CSMD2: variants seen among roughly 807,000 people sequenced by gnomAD.
CSMD2 encodes CUB and sushi domain-containing protein 2.
Under a neutral mutation model 398.5 loss-of-function variants are expected in CSMD2, and 130 were observed. The ratio of observed to expected loss-of-function variants is 0.33; its 90% confidence interval spans 0.28 to 0.38. CSMD2 has a LOEUF of 0.38. Among genes scored for constraint, CSMD2 ranks in the 10% least tolerant of loss-of-function variants. CSMD2 has a pLI of 1.00. For synonymous variants in CSMD2, 1,828 were observed against 1,908.5 expected (o/e 0.96, Z 1.10); for missense variants, 3,829 against 4,764.9 (o/e 0.80, Z 5.78).
intron 12 of CSMD2, among the ~76,000 whole-genome samples, chr1:33,782,196 C>T (rs754345058): frequency 7.9e-5 from 12 of 152,128 alleles, no homozygotes; most frequent in Non-Finnish European, 1.6e-4. Flanking sequence ...CCCCCCAACC[C>T]CTGCTCGTTC....
intron 3 of CSMD2, among the ~76,000 whole-genome samples, chr1:34,027,027 C>A (rs4653379): frequency 0.11 from 17,470 of 152,050 alleles, 1,087 homozygotes; most frequent in East Asian, 0.19. Context: ...CAGAAGAAGC[C>A]TCTCCAAGCA....
At chr1:33,969,747 G>A (rs575011802) in intron 3 of CSMD2, among the ~76,000 whole-genome samples, 125 of 152,186 alleles carry the variant, frequency 8.2e-4, no homozygotes, top group African/African-American at 2.8e-3. Context: ...ATGAATGAAT[G>A]AATGAGTGAG....
At chr1:33,708,603 A>ATTATTATTATTATTATTG (rs1420119569) in intron 22 of CSMD2, among the ~76,000 whole-genome samples, 1 of 148,148 alleles carries the variant, frequency 6.8e-6, no homozygotes, top group Non-Finnish European at 1.5e-5. Flanking sequence ...TATTATTATT[A>ATTATTATTATTATTATTG]TTATTATTAT....
Position 33,678,193 on chromosome 1 carries a change from C to G in CSMD2, c.4052+14737G>C, listed in dbSNP as rs559990079. 2.6e-5 allele frequency among the ~76,000 whole-genome samples: 4 copies of G among 151,986 alleles called. No homozygotes were observed. The South Asian group carries it at 8.3e-4, about 32-fold the overall frequency. On this transcript the variant is annotated intron_variant, in intron 25 of 70. Coordinates refer to ENST00000373381, the MANE Select transcript of CSMD2 (RefSeq NM_001281956.2). ...TTGCCATGTGACATGCTCGCTCCCC[C>G]TTCTCTATCCACCATGAGTAGAAGC...
Position 33,700,610 on chromosome 1 carries a change from C to T in CSMD2, c.3640G>A (p.Gly1214Arg), listed in dbSNP as rs146082635. ...LGVFSHSEMM[G>R]VTLNSTSSSL... The stretch of plus-strand genomic sequence containing the variant: ...CTGGATGTGCTGTTCAAAGTCACCC[C>T]CATCATCTCAGAATGGCTAAAAACT... Residue 1214 changes from glycine (G) to arginine (R), a missense_variant, in exon 23 of 71, where the codon GGG becomes AGG. Around this residue, in one of 5 missense-constraint regions of CSMD2, gnomAD observed 2,001 missense variants for 2,567.1 expected, o/e 0.78. Transcript: ENST00000373381. 1.4e-3 allele frequency: 2,181 copies of T among 1,614,122 alleles called. 5 individuals carry two copies. The highest frequency in any genetic ancestry group is 1.7e-3 in the Non-Finnish European group (2,016 of 1,180,020).
intron 37 of CSMD2, among the ~76,000 whole-genome samples, chr1:33,618,634 TTCC>T (rs1206183363): frequency 2.0e-5 from 3 of 151,932 alleles, no homozygotes; most frequent in African/African-American, 7.3e-5. Flanking sequence ...CAGCTTAATC[TTCC>T]TCCTCCTCCT....
intron 5 of CSMD2, chr1:33,863,605 C>T (rs1033156830): frequency 3.3e-5 from 5 of 152,546 alleles, no homozygotes; most frequent in African/African-American, 1.2e-4. Flanking sequence ...ACTACTAAAC[C>T]CTTTGTATGG....
rs776902170 is a variant in CSMD2, at chr1:33,577,387, G to A, written c.7485C>T (p.Ala2495=). ...TGCTGTGTCCCACCAGGCGGTAGCC[G>A]GCGTTGCAGCCAAAGTGGATGGAGC... The part of the protein sequence containing the change: ...PGGSIHFGCN[A]GYRLVGHSMA... The change falls in exon 49 of 71, where the codon GCC becomes GCT. Residue 2495 remains alanine, a synonymous_variant. Transcript: ENST00000373381. The A allele has an allele frequency of 1.7e-5, 27 of 1,614,182 alleles. No homozygotes were observed. Among genetic ancestry groups the A allele is most frequent in the Non-Finnish European group, 1.9e-5 (22 of 1,180,032 alleles).
chr1:33,877,804 A>G (rs1640943874), intron 5 of CSMD2, among the ~76,000 whole-genome samples: 1 of 152,002 alleles, frequency 6.6e-6, no homozygotes, highest in Admixed American at 6.6e-5. Context: ...AATGTCGAAG[A>G]TATGCCCAGG....
rs144332025 is a variant in CSMD2 at position 33,714,623 on chromosome 1, G to A, written c.3370C>T (p.Arg1124Trp). Residue 1124 changes from arginine (R) to tryptophan (W), a missense_variant, in exon 21 of 71, where the codon CGG becomes TGG. Arg to Trp is a moderately radical substitution (Grantham distance 101, BLOSUM62 -3). Coordinates refer to ENST00000373381, the MANE Select transcript of CSMD2 (RefSeq NM_001281956.2). ...GGCAGAGGCGAGCTCCACAGGCGCC[G>A]TCTGCCCCCCAGGCACGTGATGCGG... ...TARITCLGGR[R>W]RLWSSPLPRC... is the part of the protein sequence containing the mutation. 161 of 1,613,962 alleles carry A rather than the reference G, an allele frequency of 1.0e-4. No homozygotes were observed. In the East Asian group the frequency reaches 2.5e-3, roughly 25 times the overall value.
chr1:34,014,311 T>C (rs1009349248), intron 3 of CSMD2, among the ~76,000 whole-genome samples: 2 of 152,240 alleles, frequency 1.3e-5, no homozygotes, highest in Non-Finnish European at 2.9e-5. Context: ...GCTCAGAACC[T>C]GCCCATGGGT....
intron 1 of CSMD2, among the ~76,000 whole-genome samples, chr1:34,158,493 G>A (rs763310501): frequency 1.3e-5 from 2 of 152,222 alleles, no homozygotes; most frequent in African/African-American, 4.8e-5. Flanking sequence ...AGGGCACTGA[G>A]CTGGGTTGAT....
At chr1:33,720,361 T>C (rs1646318671) in intron 19 of CSMD2, among the ~76,000 whole-genome samples, 2 of 152,138 alleles carry the variant, frequency 1.3e-5, no homozygotes, top group African/African-American at 4.8e-5. Context: ...AGGTATAGAA[T>C]GCATGCTATG....
chr1:33,959,912 G>T (rs1466992893), intron 3 of CSMD2, among the ~76,000 whole-genome samples: 1 of 152,144 alleles, frequency 6.6e-6, no homozygotes, highest in Non-Finnish European at 1.5e-5. Flanking sequence ...CCTCTACAAG[G>T]GCAGCGGCTT....
intron 57 of CSMD2, among the ~76,000 whole-genome samples, chr1:33,544,054 T>C (rs1026308279): frequency 1.3e-5 from 2 of 152,110 alleles, no homozygotes; most frequent in Non-Finnish European, 2.9e-5. Context: ...TGACCTCAGT[T>C]ATCTTTGGTG....
intron 41 of CSMD2, among the ~76,000 whole-genome samples, chr1:33,607,415 C>A (rs1640689060): frequency 1.3e-5 from 2 of 152,174 alleles, no homozygotes; most frequent in African/African-American, 4.8e-5. Context: ...TCAGTGGGGA[C>A]AAATGGCTCG....
At chr1:34,115,359 T>C (rs1025749512) in intron 1 of CSMD2, among the ~76,000 whole-genome samples, 2 of 152,050 alleles carry the variant, frequency 1.3e-5, no homozygotes, top group African/African-American at 4.8e-5. Flanking sequence ...ACATGACTCA[T>C]CACCTACAAA....
intron 5 of CSMD2, chr1:33,864,068 A>G: frequency 1.1e-6 from 1 of 882,230 alleles, no homozygotes; most frequent in Non-Finnish European, 1.8e-6. Context: ...AGCCCTGACT[A>G]CAGCTCTTGC....
intron 2 of CSMD2, among the ~76,000 whole-genome samples, chr1:34,040,604 C>T (rs1480647748): frequency 3.3e-5 from 5 of 152,138 alleles, no homozygotes; most frequent in Admixed American, 1.3e-4. Flanking sequence ...TTTGGTGTTT[C>T]GAGGAGCAGC....
Sources: allele counts gnomAD v4.1 joint callset (sites outside exome capture counted in the v4.1 genomes callset), GRCh38; gene constraint gnomAD v4.1.1; regional missense constraint gnomAD v4.1.1; transcripts MANE v1.5; gene names NCBI Gene and HGNC (gene_info 2026-07-23, HGNC 2026-07-21).